Variants in AKAP6 observed in about 807,000 individuals in gnomAD.
AKAP6 encodes the protein A-kinase anchor protein 6.
Under a neutral mutation model 188.5 loss-of-function variants are expected in AKAP6, and 58 were observed. The ratio of observed to expected loss-of-function variants is 0.31; its 90% CI spans 0.25 to 0.38. The LOEUF is 0.38. Ranked by LOEUF, AKAP6 falls within the 10% of genes least tolerant of loss-of-function variation. AKAP6 has a pLI of 1.00. For synonymous variants in AKAP6, 989 were observed against 998.6 expected (o/e 0.99, Z 0.18); for missense variants, 2,710 against 2,740.0 (o/e 0.99, Z 0.24).
At position 32,433,462 on chromosome 14, in the gene AKAP6, G is replaced by A. The variant is rs774529232; in HGVS notation, c.-32G>A. ...TCTTCTTTCCTCTTGCCTTTCAGCT[G>A]TTTTGGAAAGAAGTGAGGTTTAGAC... is the stretch of plus-strand genomic sequence containing the variant. On this transcript the variant is annotated splice_region_variant and 5_prime_UTR_variant, in exon 2 of 14. Transcript: ENST00000280979. 5 of 1,588,320 alleles carry A rather than the reference G, an allele frequency of 3.1e-6. No homozygotes were observed. The highest frequency in any genetic ancestry group is 1.3e-5 in the African/African-American group (1 of 74,390).
rs748486362 is a variant in AKAP6 at position 32,546,134 on chromosome 14, G to A, written c.1481G>A (p.Arg494Gln). The A allele has an allele frequency of 9.9e-6, 16 of 1,613,602 alleles. No individual in the cohort carries two copies. The highest frequency in any genetic ancestry group is 4.5e-5 in the East Asian group (2 of 44,884). ...RLNDCYKEKS[R>Q]LKKPHKTSEE... ...AACGACTGCTATAAAGAGAAATCTC[G>A]ACTTAAAAAGCCACACAAGACCTCA... is the stretch of plus-strand genomic sequence containing the variant. The change falls in exon 4 of 14, where the codon CGA becomes CAA. Residue 494 changes from arginine (R) to glutamine (Q), a missense_variant. Coordinates refer to ENST00000280979, the MANE Select transcript of AKAP6 (RefSeq NM_004274.5).
At chr14:32,719,633 C>T (rs1253242118) in intron 9 of AKAP6, among the ~76,000 whole-genome samples, 5 of 152,120 alleles carry the variant, frequency 3.3e-5, no homozygotes, top group Admixed American at 3.3e-4. Context: ...AGCATCTTGG[C>T]AACTGCTTTG....
At chr14:32,757,626 C>T (rs1405365810) in intron 11 of AKAP6, among the ~76,000 whole-genome samples, 1 of 152,246 alleles carries the variant, frequency 6.6e-6, no homozygotes, top group Non-Finnish European at 1.5e-5. Context: ...ATTTATTCAA[C>T]ACCCTTCTCT....
chr14:32,736,056 A>T (rs997391173), intron 11 of AKAP6, among the ~76,000 whole-genome samples, 174 bp downstream of exon 11: 1 of 152,190 alleles, frequency 6.6e-6, no homozygotes, highest in East Asian at 1.9e-4. Flanking sequence ...GTGTATAAAG[A>T]TGAACATTAA....
At chr14:32,421,593 G>T (rs180804904) in intron 1 of AKAP6, among the ~76,000 whole-genome samples, 1 of 152,062 alleles carries the variant, frequency 6.6e-6, no homozygotes, top group Non-Finnish European at 1.5e-5. Context: ...TGGATGGTGT[G>T]TTTCCTCCAG....
Position 32,565,931 on chromosome 14 carries a change from TTCCTG to T in AKAP6, c.2347-11187_2347-11183del, listed in dbSNP as rs754459475. On this transcript the variant is annotated intron_variant, in intron 4 of 13. Coordinates refer to ENST00000280979, the MANE Select transcript of AKAP6 (RefSeq NM_004274.5). The stretch of plus-strand genomic sequence containing the variant: ...TTACACTTATCTGTCAGGGCTCAAT[TTCCTG>T]TGATTTCCTCCAGGAAGTCCCCCTT... 1.6e-4 allele frequency among the ~76,000 whole-genome samples: 24 copies of T among 152,298 alleles called. 1 individual carries two copies. Among genetic ancestry groups the T allele is most frequent in the South Asian group, 4.1e-4 (2 of 4,826 alleles).
chr14:32,718,863 AT>A (rs1345784181), intron 9 of AKAP6, among the ~76,000 whole-genome samples: 1 of 152,124 alleles, frequency 6.6e-6, no homozygotes, highest in Non-Finnish European at 1.5e-5. Context: ...ATGAATAAAT[AT>A]TTTCCAACAA....
chr14:32,799,351 A>G (rs775211779), intron 12 of AKAP6, among the ~76,000 whole-genome samples: 6 of 151,934 alleles, frequency 3.9e-5, no homozygotes, highest in Non-Finnish European at 5.9e-5. Context: ...CTTCTGCTTC[A>G]TTTAGGCTTA....
chr14:32,510,018 T>C (rs1211935516), intron 2 of AKAP6, among the ~76,000 whole-genome samples: 4 of 152,140 alleles, frequency 2.6e-5, no homozygotes, highest in African/African-American at 9.7e-5. Flanking sequence ...GTATTCTGGC[T>C]ACATTTAAAG....
rs562560613 is a variant in AKAP6 at position 32,633,044 on chromosome 14, G to A, written c.2730+32252G>A. On this transcript the variant is annotated intron_variant, in intron 7 of 13. Coordinates refer to ENST00000280979, the MANE Select transcript of AKAP6 (RefSeq NM_004274.5). The stretch of plus-strand genomic sequence containing the variant: ...AGGATAGAAAAATCAAGAAAGTATG[G>A]ACACATGTTAACTGGGTCTTTTCTC... Among the ~76,000 whole-genome samples, 7 of 152,066 alleles carry A rather than the reference G, an allele frequency of 4.6e-5. 1 individual carries two copies. In the South Asian group the frequency reaches 1.5e-3, roughly 32 times the overall value.
chr14:32,829,030 G>A (rs1304598419), intron 13 of AKAP6, among the ~76,000 whole-genome samples: 1 of 152,188 alleles, frequency 6.6e-6, no homozygotes. Context: ...GCCCAGACAA[G>A]CAAAAGCCTG....
chr14:32,333,150 G>C (rs1314024627), intron 1 of AKAP6, among the ~76,000 whole-genome samples: 2 of 152,110 alleles, frequency 1.3e-5, no homozygotes, highest in Non-Finnish European at 2.9e-5. Flanking sequence ...GCTTGTGTCT[G>C]CATGAGGTAC....
chr14:32,413,666 C>G (rs760759193), intron 1 of AKAP6, among the ~76,000 whole-genome samples: 3 of 152,122 alleles, frequency 2.0e-5, no homozygotes, highest in African/African-American at 4.8e-5. Flanking sequence ...GTCTTGAGGA[C>G]AGAAGGAGCT....
rs769866637 is a variant in AKAP6 at position 32,735,854 on chromosome 14, A to G, written c.3344A>G (p.Asn1115Ser). ...AGACAAGAAAAGGAAGGAACAATGAATACTGAGAAACAACTGCAATACTTT... is the reference window on the plus strand; with the variant it reads ...AGACAAGAAAAGGAAGGAACAATGAGTACTGAGAAACAACTGCAATACTTT... Reference protein sequence around the residue: ...CLRQEKEGTMNTEKQLQYFKS... With the variant: ...CLRQEKEGTMSTEKQLQYFKS... The change falls in exon 11 of 14, where the codon AAT (asparagine) becomes AGT (serine). Residue 1115 changes from asparagine to serine, a missense_variant. By Grantham distance (46) the Asn-to-Ser change is conservative. This residue lies in a region of AKAP6 where 2,473 missense variants were observed against 2,426.1 expected (regional missense o/e 1.02). Coordinates refer to ENST00000280979, the MANE Select transcript of AKAP6 (RefSeq NM_004274.5). 2 of 1,610,418 alleles carry G rather than the reference A, an allele frequency of 1.2e-6. No homozygotes were observed. The highest frequency in any genetic ancestry group is 8.5e-7 in the Non-Finnish European group (1 of 1,178,598).
chr14:32,376,154 C>A (rs530308248), intron 1 of AKAP6: 1 of 152,348 alleles, frequency 6.6e-6, no homozygotes, highest in African/African-American at 2.4e-5. Flanking sequence ...GGAAGTCCTA[C>A]AGTAAAGAAC....
chr14:32,546,154 A>G lies in AKAP6; in HGVS notation c.1501A>G (p.Thr501Ala). Residue 501 changes from threonine (T) to alanine (A), a missense_variant, in exon 4 of 14, where the codon ACC becomes GCC. Physicochemically the swap from Thr to Ala is moderately conservative, Grantham distance 58. Coordinates refer to ENST00000280979, the MANE Select transcript of AKAP6 (RefSeq NM_004274.5). ...ATCTCGACTTAAAAAGCCACACAAG[A>G]CCTCAGAAGAGGTGCCTCCATGCCG... is the stretch of plus-strand genomic sequence containing the variant. ...EKSRLKKPHK[T>A]SEEVPPCRTP... is the part of the protein sequence containing the mutation. 6.2e-7 allele frequency: 1 copy of G among 1,613,822 alleles called. No individual in the cohort carries two copies. Among genetic ancestry groups the G allele is most frequent in the Non-Finnish European group, 8.5e-7 (1 of 1,179,968 alleles).
intron 2 of AKAP6, among the ~76,000 whole-genome samples, chr14:32,483,606 T>G (rs1879487151): frequency 6.6e-6 from 1 of 152,138 alleles, no homozygotes; most frequent in African/African-American, 2.4e-5. Flanking sequence ...TGCCTCAGCC[T>G]CCTGAGTAGC....
At chr14:32,524,566 G>A (rs549273189) in intron 2 of AKAP6, among the ~76,000 whole-genome samples, 1 of 152,012 alleles carries the variant, frequency 6.6e-6, no homozygotes, top group Non-Finnish European at 1.5e-5. Flanking sequence ...AAAAGAGAAG[G>A]CATGTTAGAA....
At position 32,831,361 on chromosome 14, in the gene AKAP6, G is replaced by T. The variant is rs1007850829; in HGVS notation, c.*1556G>T. 2.0e-5 allele frequency: 3 copies of T among 152,104 alleles called. No homozygotes were observed. Among genetic ancestry groups the T allele is most frequent in the African/African-American group, 7.2e-5 (3 of 41,424 alleles). 9.4% of individuals were successfully genotyped at this position (152,104 alleles called of 1,614,324 possible). The stretch of plus-strand genomic sequence containing the variant: ...TTACTGAATTAAAGGATTAAATTAG[G>T]TGACATGGTGACATCTATCCCTTTA... On this transcript the variant is annotated 3_prime_UTR_variant, in exon 14 of 14. Coordinates refer to ENST00000280979, the MANE Select transcript of AKAP6 (RefSeq NM_004274.5).
Sources: allele counts gnomAD v4.1 joint callset (sites outside exome capture counted in the v4.1 genomes callset), GRCh38; gene constraint gnomAD v4.1.1; regional missense constraint gnomAD v4.1.1; transcripts MANE v1.5; gene names NCBI Gene and HGNC (gene_info 2026-07-23, HGNC 2026-07-21).